CCBE1: variants seen among roughly 807,000 people sequenced by gnomAD.
The protein encoded by CCBE1 is collagen and calcium binding EGF domains 1.
Under a neutral mutation model 50.0 loss-of-function variants are expected in CCBE1, and 37 were observed. The ratio of observed to expected loss-of-function variants is 0.74; its 90% CI spans 0.57 to 0.97. CCBE1 has a LOEUF of 0.97. Among genes scored for constraint, CCBE1 ranks in the 50% least tolerant of loss-of-function variants. The pLI, the probability that CCBE1 is intolerant of heterozygous loss-of-function variation, is 0.00. For synonymous variants in CCBE1, 234 were observed against 203.7 expected, an observed-to-expected ratio of 1.15 and a Z score of -1.27; for missense variants, 538 against 523.8, an observed-to-expected ratio of 1.03 and a Z score of -0.26.
chr18:59,470,177 G>A lies in CCBE1; in HGVS notation c.266-570C>T, dbSNP rs567775165. 3.3e-5 allele frequency among the ~76,000 whole-genome samples: 5 copies of A among 152,270 alleles called. No homozygotes were observed. In the South Asian group the frequency reaches 8.3e-4, roughly 25 times the overall value. ...TTTAACTGGCTCACAGTTCCACATAGCTGGGGAGGCATCACAATCATGGCT... is the reference window on the plus strand; with the variant it reads ...TTTAACTGGCTCACAGTTCCACATAACTGGGGAGGCATCACAATCATGGCT... On this transcript the variant is annotated intron_variant, in intron 3 of 10. Transcript: ENST00000439986.
At chr18:59,630,476 G>A (rs191586882) in intron 2 of CCBE1, among the ~76,000 whole-genome samples, 1 of 152,344 alleles carries the variant, frequency 6.6e-6, no homozygotes, top group Admixed American at 6.5e-5. Context: ...GTGGGTCAAG[G>A]ATTTGGGCAA....
intron 2 of CCBE1, among the ~76,000 whole-genome samples, chr18:59,646,790 T>A (rs538088224): frequency 1.3e-5 from 2 of 152,362 alleles, no homozygotes; most frequent in East Asian, 3.9e-4. Flanking sequence ...GCACTGCTGA[T>A]GAGATGCTGG....
At position 59,434,433 on chromosome 18, in the gene CCBE1, A is replaced by G. The variant is rs1161436189; in HGVS notation, c.*1475T>C. The G allele has an allele frequency of 6.6e-6, 1 of 152,176 alleles. No homozygotes were observed. Among genetic ancestry groups the G allele is most frequent in the African/African-American group, 2.4e-5 (1 of 41,444 alleles). The allele number at this position is 152,176 out of a possible 1,614,324, so 9.4% of individuals were successfully genotyped here. A position where few individuals can be genotyped will look rare whatever the true frequency, so the allele number is the denominator to read the frequency against. On this transcript the variant is annotated 3_prime_UTR_variant, in exon 11 of 11. Coordinates refer to ENST00000439986, the MANE Select transcript of CCBE1 (RefSeq NM_133459.4). ...ACTGTGAGTAACCTATAAGCTGCTC[A>G]TTGGAAACAAGAGGGCCCTCAACAA...
chr18:59,591,290 G>A (rs1476570865), intron 2 of CCBE1, among the ~76,000 whole-genome samples: 9 of 103,756 alleles, frequency 8.7e-5, no homozygotes, highest in Non-Finnish European at 1.4e-4. Flanking sequence ...AAAAAAAAAA[G>A]CTGCTAAGTA....
intron 2 of CCBE1, among the ~76,000 whole-genome samples, chr18:59,666,414 G>T (rs17066128): frequency 0.026 from 3,925 of 152,086 alleles, 103 homozygotes; most frequent in African/African-American, 0.053. Context: ...ATGGCTTGTC[G>T]GTGAAAGTTC....
At chr18:59,652,328 A>G (rs1307229644) in intron 2 of CCBE1, among the ~76,000 whole-genome samples, 1 of 152,176 alleles carries the variant, frequency 6.6e-6, no homozygotes, top group Non-Finnish European at 1.5e-5. Flanking sequence ...ATGCCACCTG[A>G]TTATCAACAG....
intron 2 of CCBE1, among the ~76,000 whole-genome samples, chr18:59,573,958 A>G (rs776988704): frequency 6.6e-6 from 1 of 152,226 alleles, no homozygotes; most frequent in Non-Finnish European, 1.5e-5. Context: ...AAATGAATGA[A>G]CTGTCAAAAT....
intron 2 of CCBE1, among the ~76,000 whole-genome samples, chr18:59,593,599 G>T (rs2053305860): frequency 6.6e-6 from 1 of 152,190 alleles, no homozygotes; most frequent in South Asian, 2.1e-4. Flanking sequence ...GAGGCCTAGT[G>T]TTCTTACATA....
intron 2 of CCBE1, among the ~76,000 whole-genome samples, chr18:59,566,958 C>T (rs1156229171): frequency 1.3e-5 from 2 of 152,086 alleles, no homozygotes; most frequent in South Asian, 2.1e-4. Context: ...TTTTAAAGAA[C>T]GAGCCTCATA....
chr18:59,588,085 T>C (rs560320452), intron 2 of CCBE1, among the ~76,000 whole-genome samples: 54 of 152,358 alleles, frequency 3.5e-4, no homozygotes, highest in Admixed American at 7.2e-4. Context: ...TCCTAATAGA[T>C]TGTTTTAGCA....
chr18:59,683,035 G>A (rs1263826689), intron 2 of CCBE1, among the ~76,000 whole-genome samples: 1 of 152,124 alleles, frequency 6.6e-6, no homozygotes, highest in African/African-American at 2.4e-5. Flanking sequence ...ATTCCCTTGG[G>A]TAGGTCAGCT....
At chr18:59,438,008 C>G (rs192175174) in intron 10 of CCBE1, 103 bp downstream of exon 10, 1 of 1,091,206 alleles carries the variant, frequency 9.2e-7, no homozygotes, top group African/African-American at 1.6e-5. Context: ...TGAGTGGCAT[C>G]AGGAAGGGGC....
At chr18:59,613,729 T>C (rs1016471652) in intron 2 of CCBE1, among the ~76,000 whole-genome samples, 2 of 151,672 alleles carry the variant, frequency 1.3e-5, no homozygotes, top group Admixed American at 1.3e-4. Flanking sequence ...TGAGACCCCA[T>C]CTTTATTAAA....
Position 59,435,950 on chromosome 18 carries a change from A to C in CCBE1, c.1179T>G (p.Thr393=). 6.2e-7 allele frequency: 1 copy of C among 1,613,962 alleles called. No homozygotes were observed. The highest frequency in any genetic ancestry group is 8.5e-7 in the Non-Finnish European group (1 of 1,179,998). The change falls in exon 11 of 11, where the codon ACT becomes ACG. Residue 393 remains threonine, a synonymous_variant. Coordinates refer to ENST00000439986, the MANE Select transcript of CCBE1 (RefSeq NM_133459.4). ...LGSGDDHPRR[T]ETRDLRAPRD... is the part of the protein sequence containing the mutation. ...TGGGGGCTCTCAAGTCTCTTGTCTC[A>C]GTTCTTCTTGGATGGTCATCTCCAG...
intron 2 of CCBE1, among the ~76,000 whole-genome samples, chr18:59,550,142 TATAG>T (rs1393779026): frequency 1.3e-5 from 2 of 152,162 alleles, no homozygotes; most frequent in Non-Finnish European, 2.9e-5. Context: ...ATTCAAACCC[TATAG>T]ATACCCAAGC....
intron 2 of CCBE1, among the ~76,000 whole-genome samples, chr18:59,623,711 A>G (rs1408579810): frequency 1.3e-5 from 2 of 152,138 alleles, no homozygotes; most frequent in African/African-American, 4.8e-5. Flanking sequence ...AGGGGAGAAC[A>G]TTTTGTTTAT....
At chr18:59,661,822 C>G (rs995563975) in intron 2 of CCBE1, among the ~76,000 whole-genome samples, 1 of 152,076 alleles carries the variant, frequency 6.6e-6, no homozygotes, top group Admixed American at 6.6e-5. Context: ...CAAAAACTAG[C>G]GGGGCACAAT....
In CCBE1 at chr18:59,435,877, T is replaced by C. The variant is rs760359258; in HGVS notation, c.*31A>G. The C allele has an allele frequency of 2.5e-6, 4 of 1,586,492 alleles. No homozygotes were observed. The highest frequency in any genetic ancestry group is 1.3e-5 in the African/African-American group (1 of 74,430). ...TTAACTGCAGGTGAGTTGATCTTTC[T>C]CTTCCTTTGGCGTGACGGTGTTGGG... On this transcript the variant is annotated 3_prime_UTR_variant, in exon 11 of 11. Coordinates refer to ENST00000439986, the MANE Select transcript of CCBE1 (RefSeq NM_133459.4).
At chr18:59,696,569 C>G (rs1032090292) in intron 2 of CCBE1, 60 bp downstream of exon 2, 2 of 1,608,258 alleles carry the variant, frequency 1.2e-6, no homozygotes, top group African/African-American at 2.7e-5. Flanking sequence ...TTTACAGCGC[C>G]GCCTCCCCAG....
Sources: allele counts gnomAD v4.1 joint callset (sites outside exome capture counted in the v4.1 genomes callset), GRCh38; gene constraint gnomAD v4.1.1; transcripts MANE v1.5; gene names NCBI Gene and HGNC (gene_info 2026-07-23, HGNC 2026-07-21).